Variants in HDAC9 observed in about 807,000 individuals in gnomAD.
HDAC9 encodes histone deacetylase 9, also known as MEF-2 interacting transcription repressor (MITR) protein.
In HDAC9, 41 loss-of-function variants were observed where a neutral mutation model predicts 139.4. The observed-to-expected ratio is 0.29, with a 90% CI of 0.23 to 0.38. The LOEUF (loss-of-function observed/expected upper bound fraction) is 0.38. Among genes scored for constraint, HDAC9 ranks in the 10% least tolerant of loss-of-function variants. HDAC9 has a pLI of 1.00. For synonymous variants in HDAC9, 517 were observed against 476.2 expected, an observed-to-expected ratio of 1.09 and a Z score of -1.12; for missense variants, 1,147 against 1,297.0, an observed-to-expected ratio of 0.88 and a Z score of 1.78.
At chr7:18,829,378 T>TA (rs935384020) in intron 18 of HDAC9, 83 bp from the exon 19 acceptor site, 81 of 1,221,810 alleles carry the variant, frequency 6.6e-5, no homozygotes, top group Non-Finnish European at 8.6e-5. Context: ...ATATAGCATT[T>TA]AAAAAAATGC....
intron 2 of HDAC9, among the ~76,000 whole-genome samples, chr7:18,173,338 A>G (rs1025523876): frequency 2.0e-5 from 3 of 152,072 alleles, no homozygotes; most frequent in Admixed American, 6.5e-5. Context: ...TTTTGAGCCT[A>G]TGTGTGTCTC....
intron 13 of HDAC9, among the ~76,000 whole-genome samples, chr7:18,728,834 G>A (rs1785783425): frequency 6.6e-6 from 1 of 152,086 alleles, no homozygotes; most frequent in Admixed American, 6.6e-5. Context: ...AATTACCTTT[G>A]GTAGGCATCT....
upstream of HDAC9, among the ~76,000 whole-genome samples, chr7:18,492,866 T>G (rs1170451282): frequency 6.6e-6 from 1 of 151,986 alleles, no homozygotes; most frequent in African/African-American, 2.4e-5. Context: ...GATACTTATT[T>G]TTCTTCTGAG....
rs180815921 is a variant in HDAC9 at position 18,284,790 on chromosome 7, T to G, written c.25+122441T>G. On this transcript the variant is annotated intron_variant, in intron 2 of 12. Coordinates refer to the HDAC9 transcript ENST00000417496. ...TAGATACAGGTAGATTTCTTTCTTC[T>G]TCATTTGATTTAAATCCAACACTCA... 3.1e-3 allele frequency among the ~76,000 whole-genome samples: 471 copies of G among 152,262 alleles called. 1 individual carries two copies. Among genetic ancestry groups the G allele is most frequent in the African/African-American group, 0.011 (448 of 41,574 alleles).
chr7:18,878,113 A>G (rs1302475013), intron 22 of HDAC9, among the ~76,000 whole-genome samples: 1 of 152,152 alleles, frequency 6.6e-6, no homozygotes, highest in Non-Finnish European at 1.5e-5. Flanking sequence ...TGCCATGACA[A>G]CTAAGTGCTG....
intron 1 of HDAC9, among the ~76,000 whole-genome samples, chr7:18,370,378 A>T (rs1195524895): frequency 1.3e-5 from 2 of 152,132 alleles, no homozygotes; most frequent in Non-Finnish European, 2.9e-5. Context: ...TGAAAACATT[A>T]ATTTAGAGGG....
In HDAC9 at chr7:18,467,716, C is replaced by T. The variant is rs932234300; in HGVS notation, c.-41-28546C>T. On this transcript the variant is annotated intron_variant, in intron 1 of 3. Coordinates refer to the HDAC9 transcript ENST00000413509. ...GTTAATATCTCATATCACTATATTACGTTTATTACAACCAGAGAACCCACG... is the reference window on the plus strand; with the variant it reads ...GTTAATATCTCATATCACTATATTATGTTTATTACAACCAGAGAACCCACG... 4.6e-5 allele frequency among the ~76,000 whole-genome samples: 7 copies of T among 152,236 alleles called. No individual in the cohort carries two copies. The East Asian group carries it at 7.7e-4, about 17-fold the overall frequency.
At chr7:18,669,437 C>A (rs754906894) in intron 12 of HDAC9, among the ~76,000 whole-genome samples, 1 of 151,678 alleles carries the variant, frequency 6.6e-6, no homozygotes, top group African/African-American at 2.4e-5. Context: ...GAGCCTGATT[C>A]AAGTAAAGGC....
rs150623904 is a variant in HDAC9 at position 18,434,227 on chromosome 7, C to G, written c.-41-62035C>G. Among the ~76,000 whole-genome samples the G allele has an allele frequency of 1.2e-3, 183 of 152,286 alleles. 2 individuals are homozygous for G. The highest frequency in any genetic ancestry group is 4.0e-3 in the African/African-American group (166 of 41,560). On this transcript the variant is annotated intron_variant, in intron 1 of 3. Coordinates refer to the HDAC9 transcript ENST00000413509. ...GCTATCCGTATGCAGAAGATTGAAACTCGACCCCTTCCTTTCACCGTATAC... is the reference window on the plus strand; with the variant it reads ...GCTATCCGTATGCAGAAGATTGAAAGTCGACCCCTTCCTTTCACCGTATAC...
intron 1 of HDAC9, among the ~76,000 whole-genome samples, chr7:18,101,066 T>G (rs1224230459): frequency 5.3e-5 from 8 of 152,170 alleles, no homozygotes; most frequent in Admixed American, 1.3e-4. Context: ...AGGTGGTTCT[T>G]TTCCTAACTT....
intron 25 of HDAC9, among the ~76,000 whole-genome samples, chr7:18,986,849 C>T (rs1345726132): frequency 6.6e-6 from 1 of 152,150 alleles, no homozygotes; most frequent in African/African-American, 2.4e-5. Context: ...AATGGGAGTT[C>T]ACTCATGATT....
At chr7:18,608,716 T>A (rs964388674) in intron 6 of HDAC9, among the ~76,000 whole-genome samples, 1 of 152,178 alleles carries the variant, frequency 6.6e-6, no homozygotes, top group African/African-American at 2.4e-5. Context: ...ATCTTCCTCC[T>A]TTATTTGACA....
intron 22 of HDAC9, among the ~76,000 whole-genome samples, chr7:18,875,739 C>T (rs1180218350): frequency 6.6e-6 from 1 of 152,050 alleles, no homozygotes; most frequent in Non-Finnish European, 1.5e-5. Context: ...GTCTGTATGG[C>T]CTTTTTAAAA....
intron 2 of HDAC9, among the ~76,000 whole-genome samples, chr7:18,257,118 ATGTGTGTGTG>A (rs150400645): frequency 2.1e-5 from 2 of 95,294 alleles, no homozygotes; most frequent in African/African-American, 5.8e-5. Flanking sequence ...GTGTGCATGT[ATGTGTGTGTG>A]TGTGTGTGTG....
chr7:18,473,912 A>C (rs1794917391), intron 1 of HDAC9, among the ~76,000 whole-genome samples: 1 of 152,062 alleles, frequency 6.6e-6, no homozygotes, highest in Admixed American at 6.6e-5. Context: ...CTATAAAAAG[A>C]CTCTTGTATG....
At chr7:18,960,991 CACAGACTTT>C (rs1783492452) in intron 24 of HDAC9, among the ~76,000 whole-genome samples, 1 of 152,190 alleles carries the variant, frequency 6.6e-6, no homozygotes, top group Non-Finnish European at 1.5e-5. Context: ...TAAATTATCT[CACAGACTTT>C]ACTAGCTTCT....
intron 1 of HDAC9, among the ~76,000 whole-genome samples, chr7:18,490,666 A>C (rs1406104051): frequency 1.3e-5 from 2 of 152,014 alleles, no homozygotes; most frequent in African/African-American, 4.8e-5. Context: ...AATTCAGATA[A>C]ATAAGGTCTT....
chr7:18,315,375 A>G (rs1404533387), intron 1 of HDAC9, among the ~76,000 whole-genome samples: 2 of 152,160 alleles, frequency 1.3e-5, no homozygotes, highest in Non-Finnish European at 2.9e-5. Flanking sequence ...AGCGTGGCTC[A>G]TTAGCTGCTC....
At chr7:18,341,749 G>A (rs1422306450) in intron 1 of HDAC9, among the ~76,000 whole-genome samples, 1 of 151,204 alleles carries the variant, frequency 6.6e-6, no homozygotes, top group Non-Finnish European at 1.5e-5. Flanking sequence ...TCCTTATTTG[G>A]GGTTATATTT....
Sources: allele counts gnomAD v4.1 joint callset (sites outside exome capture counted in the v4.1 genomes callset), GRCh38; gene constraint gnomAD v4.1.1; transcripts MANE v1.5; gene names NCBI Gene and HGNC (gene_info 2026-07-23, HGNC 2026-07-21).